Variants in VRK3 observed in about 807,000 individuals in gnomAD.
The protein encoded by VRK3 is serine/threonine-protein kinase VRK3.
A neutral mutation model predicts 60.4 loss-of-function variants in VRK3; 50 were observed. That is an observed-to-expected ratio of 0.83 (90% CI 0.66 to 1.05). The LOEUF is 1.05. Ranked by LOEUF, VRK3 falls within the 50% of genes least tolerant of loss-of-function variation. The pLI, the probability that VRK3 is intolerant of heterozygous loss-of-function variation, is 0.00. For synonymous variants in VRK3, 246 were observed against 227.8 expected (o/e 1.08, Z -0.72); for missense variants, 549 against 585.3 (o/e 0.94, Z 0.64).
rs1240618504 is a variant in VRK3 at position 49,976,689 on chromosome 19, G to A, written c.*107C>T. ...ACCAGTGGCAGGAATGCACATTCCA[G>A]GGCTTGTTCTAGAAGCTTATCTGTG... On this transcript the variant is annotated 3_prime_UTR_variant, in exon 15 of 15. Transcript: ENST00000316763. 6.6e-6 allele frequency: 1 copy of A among 152,594 alleles called. No individual in the cohort carries two copies. Among genetic ancestry groups the A allele is most frequent in the Non-Finnish European group, 1.5e-5 (1 of 68,046 alleles). 9.5% of individuals were successfully genotyped at this position (152,594 alleles called of 1,614,324 possible).
chr19:49,988,248 G>A lies in VRK3; in HGVS notation c.1217+124C>T, dbSNP rs2076550858. 2.8e-6 allele frequency: 4 copies of A among 1,435,396 alleles called. No homozygotes were observed. In the South Asian group the frequency reaches 3.8e-5, roughly 14 times the overall value. The allele number at this position is 1,435,396 out of a possible 1,614,324, so 88.9% of individuals were successfully genotyped here. A position where few individuals can be genotyped will look rare whatever the true frequency, so the allele number is the denominator to read the frequency against. ...GCAGCACATGCCTGTGCGGCTCAGA[G>A]GACTTGGGCTCTGCTGGATGCCACC... On this transcript the variant is annotated intron_variant, in intron 12 of 14. Coordinates refer to ENST00000316763, the MANE Select transcript of VRK3 (RefSeq NM_016440.4).
chr19:50,001,622 C>T (rs888534976), intron 5 of VRK3, among the ~76,000 whole-genome samples: 7 of 152,186 alleles, frequency 4.6e-5, no homozygotes, highest in African/African-American at 9.6e-5. Context: ...GCTTGTCCCC[C>T]GACAGAGCCT....
intron 5 of VRK3, among the ~76,000 whole-genome samples, chr19:50,006,487 T>C (rs928597217): frequency 1.3e-5 from 2 of 150,144 alleles, no homozygotes; most frequent in African/African-American, 2.4e-5. Flanking sequence ...GCCATTCTCC[T>C]GCCTCAGCCT....
intron 2 of VRK3, among the ~76,000 whole-genome samples, chr19:50,017,833 G>GT (rs879722022): frequency 1.3e-3 from 198 of 148,028 alleles, no homozygotes; most frequent in Middle Eastern, 3.5e-3. Context: ...AATTTTTTAA[G>GT]TTTTTTTTTT....
intron 5 of VRK3, among the ~76,000 whole-genome samples, chr19:50,006,365 T>C (rs2076891710): frequency 6.6e-6 from 1 of 150,680 alleles, no homozygotes. Context: ...TTGTTTGACA[T>C]GGAGTCTCAC....
At chr19:50,004,129 GTCATAT>G (rs1407140349) in intron 5 of VRK3, among the ~76,000 whole-genome samples, 1 of 152,188 alleles carries the variant, frequency 6.6e-6, no homozygotes, top group East Asian at 1.9e-4. Context: ...AACAACCTGA[GTCATAT>G]AAGGGAAAAC....
rs1322233090 is a variant in VRK3, at chr19:49,989,673, A to C, written c.1062T>G (p.Leu354=). ...TGTGCAGGTCCATGCTAATGAACTCAAGGTCCCCCTCGTGAGGGCTCCTGC... is the reference window on the plus strand; with the variant it reads ...TGTGCAGGTCCATGCTAATGAACTCCAGGTCCCCCTCGTGAGGGCTCCTGC... The part of the protein sequence containing the change: ...EGSRSPHEGD[L]EFISMDLHKG... Residue 354 remains leucine, a synonymous_variant, in exon 11 of 15, where the codon CTT becomes CTG. Transcript: ENST00000316763. 3 of 1,613,594 alleles carry C rather than the reference A, an allele frequency of 1.9e-6. No individual in the cohort carries two copies. Among genetic ancestry groups the C allele is most frequent in the Non-Finnish European group, 2.5e-6 (3 of 1,179,748 alleles).
At chr19:49,993,939 G>C (rs1315178588) in intron 9 of VRK3, among the ~76,000 whole-genome samples, 1 of 151,760 alleles carries the variant, frequency 6.6e-6, no homozygotes, top group South Asian at 2.1e-4. Flanking sequence ...TCTGTACCCA[G>C]AGCTGACCCC....
chr19:49,984,798 CTTT>C (rs893084734), intron 12 of VRK3, among the ~76,000 whole-genome samples: 4 of 151,922 alleles, frequency 2.6e-5, no homozygotes, highest in Admixed American at 2.0e-4. Context: ...CACCCGGCTA[CTTT>C]TTTTGTAGAG....
At chr19:50,010,245 G>A (rs1307796198) in intron 3 of VRK3, among the ~76,000 whole-genome samples, 1 of 151,914 alleles carries the variant, frequency 6.6e-6, no homozygotes, top group African/African-American at 2.4e-5. Flanking sequence ...CTTTCAATTT[G>A]TTATTTTATT....
In VRK3 at chr19:50,016,031, G is replaced by A; in HGVS notation, c.132C>T (p.Ser44=). 1.2e-6 allele frequency: 2 copies of A among 1,614,188 alleles called. No homozygotes were observed. Among genetic ancestry groups the A allele is most frequent in the Non-Finnish European group, 1.7e-6 (2 of 1,180,024 alleles). Residue 44 remains serine (S), a synonymous_variant, in exon 3 of 15, where the codon TCC becomes TCT. Coordinates refer to ENST00000316763, the MANE Select transcript of VRK3 (RefSeq NM_016440.4). ...CAATGCTCTGGTTCTTACCTTGGAA[G>A]GATGACACATGTGGATTGACAAAGG... ...SQTFVNPHVS[S]FQGSKRGLNS...
At chr19:49,990,572 C>T (rs1356663129) in intron 10 of VRK3, among the ~76,000 whole-genome samples, 5 of 151,696 alleles carry the variant, frequency 3.3e-5, no homozygotes, top group Non-Finnish European at 7.4e-5. Context: ...GGGGTTTTGC[C>T]CTGTTGCCCA....
At chr19:50,002,315 G>T (rs1433516740) in intron 5 of VRK3, among the ~76,000 whole-genome samples, 1 of 152,128 alleles carries the variant, frequency 6.6e-6, no homozygotes, top group African/African-American at 2.4e-5. Context: ...AGCTCTACAC[G>T]TTCAAGGCCA....
chr19:49,986,393 C>T (rs2076516416), intron 12 of VRK3: 1 of 153,138 alleles, frequency 6.5e-6, no homozygotes. Flanking sequence ...GATTTAGAAG[C>T]CGGAGTCAGA....
At chr19:50,021,749 C>T (rs191543382) in intron 1 of VRK3, among the ~76,000 whole-genome samples, 27 of 152,304 alleles carry the variant, frequency 1.8e-4, no homozygotes, top group Non-Finnish European at 8.8e-5. Flanking sequence ...ACATAGTAAC[C>T]GGGACAGGGA....
At chr19:50,004,850 C>G (rs2076868367) in intron 5 of VRK3, among the ~76,000 whole-genome samples, 2 of 151,928 alleles carry the variant, frequency 1.3e-5, no homozygotes, top group South Asian at 4.1e-4. Context: ...GTTGAGGCTG[C>G]AGTGAGCCGT....
chr19:49,977,080 G>A (rs2076342931), intron 14 of VRK3, among the ~76,000 whole-genome samples: 1 of 152,178 alleles, frequency 6.6e-6, no homozygotes, highest in Admixed American at 6.5e-5. Flanking sequence ...CATGGAGGAT[G>A]GGGAAGGCCT....
chr19:49,978,947 A>G, intron 14 of VRK3, 136 bp downstream of exon 14: 1 of 928,802 alleles, frequency 1.1e-6, no homozygotes, highest in South Asian at 2.0e-5. Context: ...CCGTGCGGAA[A>G]AACCCAGTGT....
At chr19:50,005,528 G>A (rs2162988) in intron 5 of VRK3, among the ~76,000 whole-genome samples, 19,898 of 149,342 alleles carry the variant, frequency 0.13, 2,146 homozygotes, top group East Asian at 0.33. Context: ...CTAAGGCTGC[G>A]GTGAGAATTT....
Sources: gnomAD v4.1 joint callset for allele counts (sites outside exome capture counted in the v4.1 genomes callset) on GRCh38, gnomAD v4.1.1 for gene constraint, MANE v1.5 for transcripts, NCBI Gene and HGNC (gene_info 2026-07-23, HGNC 2026-07-21) for gene names.